The following PRKG1 variants were observed in gnomAD, a reference collection of about 807,000 sequenced individuals.
PRKG1 encodes protein kinase cGMP-dependent 1.
In PRKG1, 35 loss-of-function variants were observed where a neutral mutation model predicts 88.1. That is an observed-to-expected ratio of 0.40 (90% CI 0.30 to 0.53). The LOEUF (loss-of-function observed/expected upper bound fraction) is 0.53, where lower values mean the gene tolerates loss of function less well. Ranked by LOEUF, PRKG1 falls within the 20% of genes least tolerant of loss-of-function variation. The pLI, the probability that PRKG1 is intolerant of heterozygous loss-of-function variation, is 0.59. For synonymous variants in PRKG1, 303 were observed against 292.5 expected (o/e 1.04, Z -0.37); for missense variants, 540 against 839.8 (o/e 0.64, Z 4.41).
At chr10:52,065,517 T>TCTGA (rs141422533) in intron 7 of PRKG1, among the ~76,000 whole-genome samples, 18,470 of 152,088 alleles carry the variant, frequency 0.12, 2,098 homozygotes, top group East Asian at 0.48. Flanking sequence ...TTATTTTCTT[T>TCTGA]CTATTTCACA....
intron 5 of PRKG1, among the ~76,000 whole-genome samples, chr10:51,932,880 G>A (rs1384134284): frequency 6.6e-6 from 1 of 151,978 alleles, no homozygotes; most frequent in Non-Finnish European, 1.5e-5. Context: ...GGTTATCTCA[G>A]AGTCAGAGAA....
chr10:50,998,609 A>G (rs7097379), intron 1 of PRKG1, among the ~76,000 whole-genome samples: 135,852 of 152,094 alleles, frequency 0.89, 60,815 homozygotes, highest in African/African-American at 0.95. Context: ...TTAGCCAGGC[A>G]TGGTGGCACA....
intron 2 of PRKG1, among the ~76,000 whole-genome samples, chr10:51,242,508 A>G (rs1480336026): frequency 1.3e-5 from 2 of 152,198 alleles, no homozygotes; most frequent in African/African-American, 4.8e-5. Context: ...GTTATTGTGC[A>G]TCTGTAATAC....
At chr10:51,893,742 A>C (rs954862161) in intron 4 of PRKG1, among the ~76,000 whole-genome samples, 1 of 152,258 alleles carries the variant, frequency 6.6e-6, no homozygotes, top group African/African-American at 2.4e-5. Flanking sequence ...AATAACAACA[A>C]CACCATGAGC....
At chr10:51,689,025 C>A (rs1258951391) in intron 3 of PRKG1, among the ~76,000 whole-genome samples, 1 of 152,124 alleles carries the variant, frequency 6.6e-6, no homozygotes, top group African/African-American at 2.4e-5. Flanking sequence ...TATCCCTGCA[C>A]AAGCTCTCTC....
intron 4 of PRKG1, among the ~76,000 whole-genome samples, chr10:51,814,355 C>G (rs905564469): frequency 1.1e-4 from 16 of 152,118 alleles, no homozygotes; most frequent in Non-Finnish European, 2.9e-5. Context: ...TCCCTTTCCC[C>G]ATATTTTTCT....
At chr10:51,844,610 T>G (rs576499841) in intron 4 of PRKG1, among the ~76,000 whole-genome samples, 3 of 152,294 alleles carry the variant, frequency 2.0e-5, no homozygotes, top group African/African-American at 7.2e-5. Context: ...GATTTGACAC[T>G]GAAATCAATC....
At chr10:51,514,747 T>C in intron 3 of PRKG1, among the ~76,000 whole-genome samples, 1 of 152,170 alleles carries the variant, frequency 6.6e-6, no homozygotes, top group East Asian at 1.9e-4. Context: ...GAAGAGATGG[T>C]CAAGAGTTGT....
chr10:51,793,582 T>C (rs1378376106), intron 3 of PRKG1, among the ~76,000 whole-genome samples: 1 of 151,978 alleles, frequency 6.6e-6, no homozygotes, highest in Non-Finnish European at 1.5e-5. Flanking sequence ...ATAAGACTAC[T>C]GTAAGACATA....
chr10:51,076,819 T>C lies in PRKG1; in HGVS notation c.311+1918T>C, dbSNP rs6479907. ...ACAGCATCCCATTATAATAACATTT[T>C]ATCTATCATTATAATAACATTTTAT... is the stretch of plus-strand genomic sequence containing the variant. On this transcript the variant is annotated intron_variant, in intron 1 of 17. Transcript: ENST00000373980. Among the ~76,000 whole-genome samples, 1,475 of 152,268 alleles carry C rather than the reference T, an allele frequency of 9.7e-3. 25 individuals are homozygous for C. Among genetic ancestry groups the C allele is most frequent in the African/African-American group, 0.034 (1,402 of 41,562 alleles).
chr10:51,874,523 T>G (rs1841243709), intron 4 of PRKG1, among the ~76,000 whole-genome samples: 1 of 152,216 alleles, frequency 6.6e-6, no homozygotes, highest in Non-Finnish European at 1.5e-5. Flanking sequence ...TACGTTCACT[T>G]GAATTTGAAA....
At chr10:52,049,576 TAGAG>T (rs1845939058) in intron 5 of PRKG1, among the ~76,000 whole-genome samples, 1 of 151,812 alleles carries the variant, frequency 6.6e-6, no homozygotes, top group African/African-American at 2.4e-5. Context: ...GTGAGAAAAA[TAGAG>T]GGGATGGTTT....
At chr10:52,184,476 A>G (rs752735997) in intron 9 of PRKG1, among the ~76,000 whole-genome samples, 1 of 152,188 alleles carries the variant, frequency 6.6e-6, no homozygotes, top group Non-Finnish European at 1.5e-5. Context: ...TTCTAAATTA[A>G]TCTATTCATA....
chr10:52,124,940 A>G (rs547643054), intron 7 of PRKG1, among the ~76,000 whole-genome samples: 1 of 152,278 alleles, frequency 6.6e-6, no homozygotes, highest in Admixed American at 6.5e-5. Flanking sequence ...AGGGGCAATA[A>G]CACACATGGA....
chr10:52,003,274 G>A (rs937197947), intron 5 of PRKG1, among the ~76,000 whole-genome samples: 1 of 152,168 alleles, frequency 6.6e-6, no homozygotes, highest in Non-Finnish European at 1.5e-5. Context: ...CACATTTACA[G>A]TTCCCTATAT....
At chr10:52,153,442 G>C (rs1837998351) in intron 8 of PRKG1, among the ~76,000 whole-genome samples, 1 of 152,184 alleles carries the variant, frequency 6.6e-6, no homozygotes, top group African/African-American at 2.4e-5. Flanking sequence ...ATTTATGAGT[G>C]AAATAGCAAT....
chr10:51,687,076 C>T (rs531775629), intron 3 of PRKG1, among the ~76,000 whole-genome samples: 1 of 152,014 alleles, frequency 6.6e-6, no homozygotes, highest in Non-Finnish European at 1.5e-5. Context: ...ACTTGAAAGG[C>T]CTTGATTTGA....
intron 1 of PRKG1, among the ~76,000 whole-genome samples, chr10:50,993,989 C>A: frequency 6.6e-6 from 1 of 152,160 alleles, no homozygotes; most frequent in East Asian, 1.9e-4. Flanking sequence ...GCCGTCAGTG[C>A]ATATTTGTGT....
intron 4 of PRKG1, among the ~76,000 whole-genome samples, chr10:51,905,303 A>C (rs1224728443): frequency 2.0e-5 from 3 of 152,196 alleles, no homozygotes; most frequent in African/African-American, 7.2e-5. Context: ...ACACCTCTGC[A>C]TAAAACCTTG....
Sources: allele counts gnomAD v4.1 joint callset (sites outside exome capture counted in the v4.1 genomes callset), GRCh38; gene constraint gnomAD v4.1.1; transcripts MANE v1.5; gene names NCBI Gene and HGNC (gene_info 2026-07-23, HGNC 2026-07-21).